The following TTBK1 variants were observed in gnomAD, a reference collection of about 807,000 sequenced individuals.
TTBK1 encodes tau tubulin kinase 1.
In TTBK1, 34 loss-of-function variants were observed where a neutral mutation model predicts 108.5. That is an observed-to-expected ratio of 0.31 (90% confidence interval 0.24 to 0.42). The LOEUF (loss-of-function observed/expected upper bound fraction) is 0.42. TTBK1 is among the 10% of genes least tolerant of loss of function. TTBK1 has a pLI of 1.00. For synonymous variants in TTBK1, 809 were observed against 795.1 expected, an observed-to-expected ratio of 1.02 and a Z score of -0.29; for missense variants, 1,539 against 1,826.0, an observed-to-expected ratio of 0.84 and a Z score of 2.86.
intron 5 of TTBK1, among the ~76,000 whole-genome samples, chr6:43,254,195 T>C (rs1473319729): frequency 6.6e-6 from 1 of 152,262 alleles, no homozygotes; most frequent in Non-Finnish European, 1.5e-5. Context: ...GCAGGCCTGC[T>C]GCCTTAGGCA....
At chr6:43,266,039 G>C (rs1005273657) in intron 13 of TTBK1, among the ~76,000 whole-genome samples, 1 of 152,152 alleles carries the variant, frequency 6.6e-6, no homozygotes, top group African/African-American at 2.4e-5. Flanking sequence ...TCTCGGGCTC[G>C]GGTCCTGCTT....
At chr6:43,281,305 G>A (rs1275373136) in intron 13 of TTBK1, among the ~76,000 whole-genome samples, 1 of 151,726 alleles carries the variant, frequency 6.6e-6, no homozygotes, top group African/African-American at 2.4e-5. Context: ...GAACCCGGGA[G>A]GCAGAGGTTG....
intron 12 of TTBK1, among the ~76,000 whole-genome samples, chr6:43,262,480 C>T (rs1777567204): frequency 6.6e-6 from 1 of 152,182 alleles, no homozygotes; most frequent in African/African-American, 2.4e-5. Flanking sequence ...CAGGAGAGAG[C>T]GTTCCTTGCA....
At chr6:43,275,536 G>C (rs1246582899) in intron 13 of TTBK1, among the ~76,000 whole-genome samples, 1 of 151,852 alleles carries the variant, frequency 6.6e-6, no homozygotes, top group Non-Finnish European at 1.5e-5. Context: ...CTCCAGGCTC[G>C]GAGGGCCCTG....
chr6:43,270,706 G>A (rs772323860), intron 13 of TTBK1: 15 of 985,378 alleles, frequency 1.5e-5, no homozygotes, highest in Non-Finnish European at 1.8e-5. Context: ...CGGCTCCTCA[G>A]GAACTGAGGA....
chr6:43,268,601 AG>A (rs1175775820), intron 13 of TTBK1, among the ~76,000 whole-genome samples: 1 of 152,194 alleles, frequency 6.6e-6, no homozygotes, highest in African/African-American at 2.4e-5. Flanking sequence ...AGAGAGGGTC[AG>A]GCTGGGAGAG....
intron 13 of TTBK1, among the ~76,000 whole-genome samples, chr6:43,267,237 T>C (rs901422211): frequency 5.3e-5 from 8 of 152,002 alleles, no homozygotes; most frequent in African/African-American, 1.7e-4. Flanking sequence ...CAGGGAGAAA[T>C]GGACTGGCCT....
In TTBK1 at chr6:43,253,038, GC is replaced by G; in HGVS notation, c.256+154del. 9.3e-7 allele frequency: 1 copy of G among 1,072,218 alleles called. No homozygotes were observed. Among genetic ancestry groups the G allele is most frequent in the Non-Finnish European group, 1.3e-6 (1 of 741,154 alleles). The allele number at this position is 1,072,218 out of a possible 1,614,324, so 66.4% of individuals were successfully genotyped here. A position where few individuals can be genotyped will look rare whatever the true frequency, so the allele number is the denominator to read the frequency against. On this transcript the variant is annotated intron_variant, in intron 3 of 14. Coordinates refer to ENST00000259750, the MANE Select transcript of TTBK1 (RefSeq NM_032538.3). The surrounding 1 kb of genome is among the most constrained non-coding windows in gnomAD (Gnocchi z 5.8). ...CAGGAGCTAAGGGGGAGGTGACGGA[GC>G]CAGAGTCTAGGAGAGATGGGACCGG...
Position 43,259,759 on chromosome 6 carries a change from C to T in TTBK1, c.1424+53C>T, listed in dbSNP as rs536578204. On this transcript the variant is annotated intron_variant, in intron 12 of 14. Coordinates refer to ENST00000259750, the MANE Select transcript of TTBK1 (RefSeq NM_032538.3). The surrounding 1 kb of genome is among the most constrained non-coding windows in gnomAD (Gnocchi z 6.7). The stretch of plus-strand genomic sequence containing the variant: ...GGGCCCAAGGCCCTCTCCGCCTTCA[C>T]GTGGCTGGTCTGGAGGAAAAGTTAG... 4.1e-6 allele frequency: 6 copies of T among 1,461,224 alleles called. No homozygotes were observed. Among genetic ancestry groups the T allele is most frequent in the African/African-American group, 1.4e-5 (1 of 70,134 alleles). The allele number at this position is 1,461,224 out of a possible 1,614,324, so 90.5% of individuals were successfully genotyped here.
rs1343098617 is a variant in TTBK1, at chr6:43,283,029, G to A, written c.2289G>A (p.Glu763=). 3 of 1,582,554 alleles carry A rather than the reference G, an allele frequency of 1.9e-6. No individual in the cohort carries two copies. Among genetic ancestry groups the A allele is most frequent in the Middle Eastern group, 1.7e-4 (1 of 5,778 alleles). ...AAGAGGAAGAGGAGGAGGAAGAAGA[G>A]GAGGAGGAGGAAGAGGAGGAGGAGG... ...EEEEEEEEEE[E]EEEEEEEEAA... Residue 763 remains glutamate, a synonymous_variant, in exon 14 of 15, where the codon GAG becomes GAA. Transcript: ENST00000259750. The surrounding 1 kb of genome is among the most constrained non-coding windows in gnomAD (Gnocchi z 8.1).
rs1164192976 is a variant in TTBK1, at chr6:43,287,967, C to T, written c.*2591C>T. 1 of 152,524 alleles carries T rather than the reference C, an allele frequency of 6.6e-6. No homozygotes were observed. Among genetic ancestry groups the T allele is most frequent in the East Asian group, 1.9e-4 (1 of 5,184 alleles). The allele number at this position is 152,524 out of a possible 1,614,324, so 9.4% of individuals were successfully genotyped here. A position where few individuals can be genotyped will look rare whatever the true frequency, so the allele number is the denominator to read the frequency against. The stretch of plus-strand genomic sequence containing the variant: ...GCCCCAGGCTCCCCATTTCCCAGCT[C>T]CTCACAGAGGCCTGGTTTGCTCAGT... On this transcript the variant is annotated 3_prime_UTR_variant, in exon 15 of 15. Transcript: ENST00000259750. The surrounding 1 kb of genome is among the most constrained non-coding windows in gnomAD (Gnocchi z 4.1).
chr6:43,268,353 TGGC>T (rs1777735970), intron 13 of TTBK1, among the ~76,000 whole-genome samples: 1 of 152,070 alleles, frequency 6.6e-6, no homozygotes, highest in Non-Finnish European at 1.5e-5. Flanking sequence ...ATCCTAGACT[TGGC>T]CAAAAAGAAG....
At chr6:43,251,772 C>T (rs1394552290) in intron 2 of TTBK1, among the ~76,000 whole-genome samples, 3 of 152,242 alleles carry the variant, frequency 2.0e-5, no homozygotes, top group Admixed American at 2.0e-4. Flanking sequence ...CTCACAGTGC[C>T]CCCTGCCCTG....
intron 13 of TTBK1, among the ~76,000 whole-genome samples, chr6:43,280,469 C>T (rs948881566): frequency 2.6e-5 from 4 of 152,158 alleles, no homozygotes; most frequent in African/African-American, 4.8e-5. Flanking sequence ...CATTTATGAT[C>T]ACAACCTTTG....
intron 13 of TTBK1, chr6:43,271,847 T>A (rs1582507170): frequency 1.0e-6 from 1 of 985,116 alleles, no homozygotes; most frequent in East Asian, 1.1e-4. Context: ...AAAAGCCAGA[T>A]TTGGGTTCTA....
rs768608144 is a variant in TTBK1 at position 43,259,283 on chromosome 6, G to A, written c.1248+14G>A. The A allele has an allele frequency of 2.6e-6, 4 of 1,538,234 alleles. No homozygotes were observed. Among genetic ancestry groups the A allele is most frequent in the South Asian group, 1.3e-5 (1 of 78,626 alleles). On this transcript the variant is annotated intron_variant, in intron 11 of 14. Transcript: ENST00000259750. This position sits in a 1 kb window ranked among gnomAD's most constrained non-coding sequence, Gnocchi z 6.7. ...AACATCGGCAAAGTAACTGCCGCCAGGGCGAAGGGCGTGGGTGGCCTTTTC... is the reference window on the plus strand; with the variant it reads ...AACATCGGCAAAGTAACTGCCGCCAAGGCGAAGGGCGTGGGTGGCCTTTTC...
chr6:43,275,955 C>T (rs973891111), intron 13 of TTBK1, among the ~76,000 whole-genome samples: 4 of 152,166 alleles, frequency 2.6e-5, no homozygotes, highest in Non-Finnish European at 5.9e-5. Context: ...GGGGCTGGCC[C>T]CTGCCCCCGG....
At chr6:43,275,010 G>A (rs1777928251) in intron 13 of TTBK1, among the ~76,000 whole-genome samples, 1 of 152,222 alleles carries the variant, frequency 6.6e-6, no homozygotes, top group African/African-American at 2.4e-5. Context: ...AGGCTGTGGG[G>A]GTGCGGGCAG....
At chr6:43,248,298 TCC>T (rs1428699840) in intron 2 of TTBK1, among the ~76,000 whole-genome samples, 1 of 151,882 alleles carries the variant, frequency 6.6e-6, no homozygotes, top group Non-Finnish European at 1.5e-5. Flanking sequence ...GCCACATGCT[TCC>T]CTTCAGCCTG....
Sources: allele counts gnomAD v4.1 joint callset (sites outside exome capture counted in the v4.1 genomes callset), GRCh38; gene constraint gnomAD v4.1.1; non-coding constraint Gnocchi (gnomAD v3.1); transcripts MANE v1.5; gene names NCBI Gene and HGNC (gene_info 2026-07-23, HGNC 2026-07-21).